SLCO1A2: variants seen among roughly 807,000 people sequenced by gnomAD.
The protein encoded by SLCO1A2 is OATP-1.
In SLCO1A2, 67 loss-of-function variants were observed where a neutral mutation model predicts 69.0. That is an observed-to-expected ratio of 0.97 (90% CI 0.80 to 1.19). The LOEUF (loss-of-function observed/expected upper bound fraction) is 1.19, where lower values mean the gene tolerates loss of function less well. Among genes scored for constraint, SLCO1A2 ranks in the 50% most tolerant of loss-of-function variants. The probability of loss-of-function intolerance (pLI) is 0.00; values close to 1 mark genes in which losing one functional copy is unlikely to be tolerated. For synonymous variants in SLCO1A2, 260 were observed against 265.9 expected, an observed-to-expected ratio of 0.98 and a Z score of 0.22; for missense variants, 787 against 793.7, an observed-to-expected ratio of 0.99 and a Z score of 0.10.
At chr12:21,372,131 CATA>C (rs1939843304) in intron 2 of SLCO1A2, among the ~76,000 whole-genome samples, 2 of 152,114 alleles carry the variant, frequency 1.3e-5, no homozygotes, top group South Asian at 4.1e-4. Flanking sequence ...CTAAGCCATT[CATA>C]ATGTTCTCAT....
chr12:21,340,593 A>G (rs549969161), intron 2 of SLCO1A2, among the ~76,000 whole-genome samples: 2 of 152,138 alleles, frequency 1.3e-5, no homozygotes, highest in South Asian at 4.1e-4. Flanking sequence ...GGTAACACTG[A>G]CGTAATCCAG....
At chr12:21,382,676 T>C (rs904909884) in intron 1 of SLCO1A2, among the ~76,000 whole-genome samples, 3 of 150,648 alleles carry the variant, frequency 2.0e-5, no homozygotes, top group Non-Finnish European at 4.4e-5. Flanking sequence ...AAGTCTCTAA[T>C]CCCAGATACT....
At chr12:21,361,283 T>A (rs555933026) in intron 2 of SLCO1A2, among the ~76,000 whole-genome samples, 6 of 152,206 alleles carry the variant, frequency 3.9e-5, no homozygotes, top group African/African-American at 1.4e-4. Context: ...GGGTCTGGAG[T>A]GGACCTCCAG....
intron 1 of SLCO1A2, among the ~76,000 whole-genome samples, chr12:21,384,467 C>T (rs1048416830): frequency 6.6e-6 from 1 of 152,128 alleles, no homozygotes; most frequent in Admixed American, 6.5e-5. Flanking sequence ...TCTGTGGGAA[C>T]ATTCCTTATG....
intron 1 of SLCO1A2, among the ~76,000 whole-genome samples, chr12:21,387,731 A>G (rs890895703): frequency 2.6e-5 from 4 of 152,190 alleles, no homozygotes; most frequent in East Asian, 1.9e-4. Flanking sequence ...AGAGTCCCCA[A>G]TGGAATACTG....
chr12:21,314,523 C>T (rs1283744012), intron 4 of SLCO1A2, 26 bp downstream of exon 4: 7 of 1,610,472 alleles, frequency 4.3e-6, no homozygotes, highest in East Asian at 2.2e-5. Context: ...TTTGACCACC[C>T]AAAATTATCA....
intron 12 of SLCO1A2, among the ~76,000 whole-genome samples, chr12:21,276,821 TG>T (rs1943946208): frequency 6.6e-6 from 1 of 152,200 alleles, no homozygotes; most frequent in Admixed American, 6.5e-5. Flanking sequence ...TAAACTCAGC[TG>T]ATTCTTACCC....
At position 21,298,395 on chromosome 12, in the gene SLCO1A2, A is replaced by G. The variant is rs1212818531; in HGVS notation, c.911-827T>C. ...AAATGTTCTTGGTCACACTGCTACCATTCAGGCTCAAGTTCTCACTTTTAA... is the reference window on the plus strand; with the variant it reads ...AAATGTTCTTGGTCACACTGCTACCGTTCAGGCTCAAGTTCTCACTTTTAA... On this transcript the variant is annotated intron_variant, in intron 8 of 14. Coordinates refer to ENST00000683939, the MANE Select transcript of SLCO1A2 (RefSeq NM_001386879.1). Among the ~76,000 whole-genome samples the G allele has an allele frequency of 3.3e-5, 5 of 152,152 alleles. No homozygotes were observed. The East Asian group carries it at 9.6e-4, about 29-fold the overall frequency.
At chr12:21,341,829 T>C (rs1174454345) in intron 2 of SLCO1A2, among the ~76,000 whole-genome samples, 1 of 152,042 alleles carries the variant, frequency 6.6e-6, no homozygotes, top group African/African-American at 2.4e-5. Flanking sequence ...ATGTATAAAA[T>C]GGTTCAAGGT....
intron 9 of SLCO1A2, among the ~76,000 whole-genome samples, chr12:21,296,547 G>A (rs1288253889): frequency 6.6e-6 from 1 of 150,464 alleles, no homozygotes; most frequent in Non-Finnish European, 1.5e-5. Flanking sequence ...CCAGTTCAAG[G>A]TACTTTAGAG....
upstream of SLCO1A2, among the ~76,000 whole-genome samples, chr12:21,339,333 T>C (rs914912789): frequency 6.6e-5 from 10 of 151,926 alleles, no homozygotes; most frequent in African/African-American, 2.4e-4. Context: ...AGCTAAGTAA[T>C]AGAAAGAGGT....
chr12:21,371,555 A>G (rs574141917), intron 2 of SLCO1A2, among the ~76,000 whole-genome samples: 77 of 152,350 alleles, frequency 5.1e-4, no homozygotes, highest in Non-Finnish European at 9.8e-4. Context: ...TAAGAAGTAT[A>G]TGAAATCAAT....
At chr12:21,364,062 C>T (rs569183898) in intron 2 of SLCO1A2, among the ~76,000 whole-genome samples, 1 of 152,264 alleles carries the variant, frequency 6.6e-6, no homozygotes, top group South Asian at 2.1e-4. Flanking sequence ...CCAGCATCAT[C>T]CTGATACCAA....
intron 4 of SLCO1A2, chr12:21,311,582 G>A (rs1950150612): frequency 6.6e-6 from 1 of 151,084 alleles, no homozygotes; most frequent in Non-Finnish European, 1.5e-5. Context: ...TGGGCAACTA[G>A]ATGCATTGTC....
At chr12:21,379,961 G>A (rs1940484915) in intron 1 of SLCO1A2, 7 of 152,024 alleles carry the variant, frequency 4.6e-5, no homozygotes, top group Admixed American at 4.6e-4. Flanking sequence ...GAAATAAATA[G>A]GTGAATATAC....
At chr12:21,410,159 T>G (rs1941885070) in intron 1 of SLCO1A2, among the ~76,000 whole-genome samples, 2 of 152,192 alleles carry the variant, frequency 1.3e-5, no homozygotes, top group Non-Finnish European at 2.9e-5. Context: ...ACCCACCACC[T>G]ATCTCCTCCA....
intron 12 of SLCO1A2, among the ~76,000 whole-genome samples, chr12:21,281,360 G>A (rs941358761): frequency 6.6e-6 from 1 of 151,916 alleles, no homozygotes; most frequent in Non-Finnish European, 1.5e-5. Flanking sequence ...TGAGGCAGAA[G>A]AATTGCTTAA....
chr12:21,305,829 T>A (rs1949305593), intron 5 of SLCO1A2, among the ~76,000 whole-genome samples: 1 of 152,270 alleles, frequency 6.6e-6, no homozygotes, highest in Admixed American at 6.5e-5. Context: ...ATGATGGTCA[T>A]GAAATTCCCA....
At chr12:21,308,428 T>G (rs1393185714) in intron 4 of SLCO1A2, among the ~76,000 whole-genome samples, 1 of 152,198 alleles carries the variant, frequency 6.6e-6, no homozygotes, top group Non-Finnish European at 1.5e-5. Context: ...GGCAAGATAC[T>G]TAAATGCAAA....
Sources: gnomAD v4.1 joint callset for allele counts (sites outside exome capture counted in the v4.1 genomes callset) on GRCh38, gnomAD v4.1.1 for gene constraint, MANE v1.5 for transcripts, NCBI Gene and HGNC (gene_info 2026-07-23, HGNC 2026-07-21) for gene names.